The following FAT3 variants were observed in gnomAD, a reference collection of about 807,000 sequenced individuals.
FAT3 encodes protocadherin Fat 3.
Under a neutral mutation model 310.2 loss-of-function variants are expected in FAT3, and 95 were observed. The observed-to-expected ratio is 0.31, with a 90% CI of 0.26 to 0.36. FAT3 has a LOEUF of 0.36. Among genes scored for constraint, FAT3 ranks in the 10% least tolerant of loss-of-function variants. The pLI is 1.00. For missense variants in FAT3, 5,408 were observed against 5,715.6 expected (o/e 0.95, Z 1.74); for synonymous variants, 2,314 against 2,192.9 (o/e 1.06, Z -1.54).
intron 4 of FAT3, among the ~76,000 whole-genome samples, chr11:92,729,934 G>A (rs1020801775): frequency 7.5e-4 from 114 of 152,258 alleles, no homozygotes; most frequent in African/African-American, 2.6e-3. Flanking sequence ...ATCTATGAGA[G>A]TCTAGTGGTT....
In FAT3 at chr11:92,697,414, A is replaced by T; in HGVS notation, c.3638A>T (p.Asp1213Val). 6.2e-7 allele frequency: 1 copy of T among 1,613,908 alleles called. No homozygotes were observed. The highest frequency in any genetic ancestry group is 1.1e-5 in the South Asian group (1 of 91,080). ...ATTACAACAACTTCAAGGAAATTGGATCGAGAACAGCAGGCAGAACATTTT... is the reference window on the plus strand; with the variant it reads ...ATTACAACAACTTCAAGGAAATTGGTTCGAGAACAGCAGGCAGAACATTTT... ...GLITTTSRKL[D>V]REQQAEHFLE... The change falls in exon 4 of 28, where the codon GAT becomes GTT. Residue 1213 changes from aspartate (D) to valine (V), a missense_variant. Around this residue, in one of 5 missense-constraint regions of FAT3, gnomAD observed 4,588 missense variants for 4,809.8 expected, o/e 0.95. Transcript: ENST00000525166.
chr11:92,496,784 G>A (rs887849612), intron 2 of FAT3, among the ~76,000 whole-genome samples: 1 of 151,970 alleles, frequency 6.6e-6, no homozygotes, highest in Non-Finnish European at 1.5e-5. Context: ...GAGGAAAGGG[G>A]TTATGTTTTA....
chr11:92,880,838 G>A lies in FAT3; in HGVS notation c.12235G>A (p.Gly4079Arg), dbSNP rs2136398668. The change falls in exon 23 of 28, where the codon GGA becomes AGA. Residue 4079 changes from glycine to arginine, a missense_variant. Gly to Arg is a moderately radical substitution (Grantham distance 125, BLOSUM62 -2). This residue lies in a region of FAT3 where 649 missense variants were observed against 666.2 expected (regional missense o/e 0.97). Transcript: ENST00000525166. ...CRNGGSCDPI[G>R]NTFICNCKAG... is the part of the protein sequence containing the mutation. ...GAATGGAGGATCCTGCGATCCAATA[G>A]GAAACACTTTCATCTGCAATTGTAA... 1 of 1,613,936 alleles carries A rather than the reference G, an allele frequency of 6.2e-7. No homozygotes were observed. Among genetic ancestry groups the A allele is most frequent in the South Asian group, 1.1e-5 (1 of 91,076 alleles).
intron 1 of FAT3, among the ~76,000 whole-genome samples, chr11:92,291,476 A>G (rs965314016): frequency 6.6e-6 from 1 of 152,134 alleles, no homozygotes; most frequent in African/African-American, 2.4e-5. Flanking sequence ...TCTGTGCTTC[A>G]GGATGTAGAG....
intron 2 of FAT3, among the ~76,000 whole-genome samples, chr11:92,406,418 G>A (rs149128332): frequency 1.8e-3 from 278 of 152,256 alleles, no homozygotes; most frequent in African/African-American, 6.4e-3. Context: ...TATTTTAGTA[G>A]CAGTTTATAC....
rs560397515 is a variant in FAT3 at position 92,669,424 on chromosome 11, C to G, written c.3608-27960C>G. 4.6e-5 allele frequency among the ~76,000 whole-genome samples: 7 copies of G among 152,334 alleles called. No homozygotes were observed. In the South Asian group the frequency reaches 1.5e-3, roughly 32 times the overall value. Reference sequence around the variant, plus strand: ...GGGAGTCCTCAATACTCAACAGCTCCCTTTTATTATTTCATAGGCAAGCCT... The same window carrying G: ...GGGAGTCCTCAATACTCAACAGCTCGCTTTTATTATTTCATAGGCAAGCCT... On this transcript the variant is annotated intron_variant, in intron 3 of 27. Coordinates refer to ENST00000525166, the MANE Select transcript of FAT3 (RefSeq NM_001367949.2).
At chr11:92,329,360 C>T (rs1010240488) in intron 1 of FAT3, among the ~76,000 whole-genome samples, 2 of 151,956 alleles carry the variant, frequency 1.3e-5, no homozygotes, top group African/African-American at 4.8e-5. Flanking sequence ...CCTGGCATCT[C>T]CCCTTTTGCT....
At chr11:92,447,647 A>G (rs1951252524) in intron 2 of FAT3, among the ~76,000 whole-genome samples, 1 of 151,974 alleles carries the variant, frequency 6.6e-6, no homozygotes, top group Non-Finnish European at 1.5e-5. Context: ...GGTCTTACTT[A>G]GAAGCGCTTT....
chr11:92,505,171 A>G (rs1953061397), intron 2 of FAT3, among the ~76,000 whole-genome samples: 1 of 152,120 alleles, frequency 6.6e-6, no homozygotes, highest in African/African-American at 2.4e-5. Flanking sequence ...TGTGCCTACT[A>G]GAGACTGTCC....
At chr11:92,227,070 C>T (rs1046816974) in intron 1 of FAT3, among the ~76,000 whole-genome samples, 1 of 152,198 alleles carries the variant, frequency 6.6e-6, no homozygotes, top group African/African-American at 2.4e-5. Flanking sequence ...CTGGGCAGTG[C>T]CTGGGGAGGT....
intron 2 of FAT3, among the ~76,000 whole-genome samples, chr11:92,467,041 A>T (rs190657374): frequency 0.019 from 2,829 of 152,156 alleles, 27 homozygotes; most frequent in Non-Finnish European, 0.029. Flanking sequence ...CGCAATAAAC[A>T]CGTGTGCATG....
At chr11:92,390,018 G>T (rs1227780199) in intron 2 of FAT3, among the ~76,000 whole-genome samples, 2 of 149,128 alleles carry the variant, frequency 1.3e-5, no homozygotes, top group Admixed American at 6.7e-5. Context: ...AAAAAAGCCT[G>T]TTTTTTTTTT....
chr11:92,493,006 C>T (rs1400874189), intron 2 of FAT3, among the ~76,000 whole-genome samples: 2 of 152,048 alleles, frequency 1.3e-5, no homozygotes, highest in African/African-American at 4.8e-5. Context: ...CTACAATTTA[C>T]AGAGATTCTT....
Position 92,837,651 on chromosome 11 carries a change from G to A in FAT3, c.10225-12G>A, listed in dbSNP as rs975470382. ...TACACCTCTTTACTGTCACCTCTTT[G>A]TACCTTGGCAGGTGTCTGGATACTC... On this transcript the variant is annotated splice_polypyrimidine_tract_variant and intron_variant, in intron 16 of 27. Coordinates refer to ENST00000525166, the MANE Select transcript of FAT3 (RefSeq NM_001367949.2). 27 of 1,613,390 alleles carry A rather than the reference G, an allele frequency of 1.7e-5. No homozygotes were observed. The highest frequency in any genetic ancestry group is 2.3e-5 in the Non-Finnish European group (27 of 1,179,702).
chr11:92,732,887 G>A (rs934345980), intron 4 of FAT3, among the ~76,000 whole-genome samples: 3 of 152,322 alleles, frequency 2.0e-5, no homozygotes, highest in South Asian at 2.1e-4. Flanking sequence ...ACATCACAGA[G>A]CAGGTGTGCT....
intron 4 of FAT3, among the ~76,000 whole-genome samples, chr11:92,740,459 A>G (rs1269643525): frequency 6.6e-6 from 1 of 152,210 alleles, no homozygotes. Context: ...CGGAATGACT[A>G]GAACATTCTT....
At chr11:92,676,659 G>T (rs541467195) in intron 3 of FAT3, among the ~76,000 whole-genome samples, 1 of 152,340 alleles carries the variant, frequency 6.6e-6, no homozygotes, top group Admixed American at 6.5e-5. Flanking sequence ...AGATTGAGAA[G>T]AAGTGGATCT....
At chr11:92,812,869 G>T (rs1390299730) in intron 13 of FAT3, among the ~76,000 whole-genome samples, 2 of 152,090 alleles carry the variant, frequency 1.3e-5, no homozygotes, top group Admixed American at 1.3e-4. Context: ...ATCTTGAATT[G>T]TAGTTTCCAT....
Position 92,800,897 on chromosome 11 carries a change from T to C in FAT3, c.7884T>C (p.Asp2628=), listed in dbSNP as rs765468132. The change falls in exon 10 of 28, where the codon GAT becomes GAC. Residue 2628 remains aspartate, a synonymous_variant. Transcript: ENST00000525166. ...LVTQVQAIDP[D]DGANSRITYS... ...CTCAAGTTCAAGCCATAGATCCCGA[T>C]GATGGAGCAAATTCAAGGATTACTT... 5.0e-6 allele frequency: 8 copies of C among 1,613,170 alleles called. No individual in the cohort carries two copies. Among genetic ancestry groups the C allele is most frequent in the East Asian group, 2.2e-5 (1 of 44,814 alleles).
Sources: allele counts gnomAD v4.1 joint callset (sites outside exome capture counted in the v4.1 genomes callset), GRCh38; gene constraint gnomAD v4.1.1; regional missense constraint gnomAD v4.1.1; transcripts MANE v1.5; gene names NCBI Gene and HGNC (gene_info 2026-07-23, HGNC 2026-07-21).